Variants in ADAMTS2 observed in about 807,000 individuals in gnomAD.
ADAMTS2 encodes the protein A disintegrin and metalloproteinase with thrombospondin motifs 2.
Under a neutral mutation model 123.0 loss-of-function variants are expected in ADAMTS2, and 50 were observed. That is an observed-to-expected ratio of 0.41 (90% CI 0.32 to 0.51). The LOEUF (loss-of-function observed/expected upper bound fraction) is 0.51, where lower values mean the gene tolerates loss of function less well. ADAMTS2 is among the 20% of genes least tolerant of loss of function. The pLI is 0.35. For missense variants in ADAMTS2, 1,494 were observed against 1,705.2 expected (o/e 0.88, Z 2.18); for synonymous variants, 678 against 695.4 (o/e 0.98, Z 0.39).
At chr5:179,214,902 C>T (rs1023664010) in intron 3 of ADAMTS2, among the ~76,000 whole-genome samples, 10 of 151,886 alleles carry the variant, frequency 6.6e-5, no homozygotes, top group Non-Finnish European at 1.0e-4. Context: ...AAATAATCTC[C>T]GTCGAATAAT....
chr5:179,273,324 C>T (rs1766599774), intron 2 of ADAMTS2, among the ~76,000 whole-genome samples: 1 of 152,142 alleles, frequency 6.6e-6, no homozygotes, highest in Non-Finnish European at 1.5e-5. Context: ...TGTCTGCTTT[C>T]AGAAAAGTTA....
intron 3 of ADAMTS2, among the ~76,000 whole-genome samples, chr5:179,253,083 C>T (rs564127216): frequency 1.3e-5 from 2 of 152,276 alleles, no homozygotes; most frequent in East Asian, 3.9e-4. Context: ...CCTTTGGCGG[C>T]CTGATAGGTC....
At chr5:179,133,433 A>C (rs780500702) in intron 13 of ADAMTS2, among the ~76,000 whole-genome samples, 14 of 151,468 alleles carry the variant, frequency 9.2e-5, no homozygotes, top group Admixed American at 2.0e-4. Context: ...ATGCCTGGCT[A>C]ATTTTTTTTG....
chr5:179,300,692 C>T (rs1009172013), intron 2 of ADAMTS2, among the ~76,000 whole-genome samples: 1 of 152,108 alleles, frequency 6.6e-6, no homozygotes, highest in African/African-American at 2.4e-5. Flanking sequence ...AAGATAAATC[C>T]CCTTATAAAG....
chr5:179,254,773 C>G (rs1324873335), intron 3 of ADAMTS2, among the ~76,000 whole-genome samples: 1 of 152,244 alleles, frequency 6.6e-6, no homozygotes, highest in African/African-American at 2.4e-5. Context: ...AGAAACACAA[C>G]AGGGCACAAT....
At chr5:179,174,804 T>C in intron 5 of ADAMTS2, among the ~76,000 whole-genome samples, 1 of 151,884 alleles carries the variant, frequency 6.6e-6, no homozygotes, top group Non-Finnish European at 1.5e-5. Flanking sequence ...GGAGGAAGTC[T>C]CTTCCTTGCT....
At chr5:179,306,240 C>T (rs1182228015) in intron 2 of ADAMTS2, among the ~76,000 whole-genome samples, 3 of 151,988 alleles carry the variant, frequency 2.0e-5, no homozygotes, top group Non-Finnish European at 4.4e-5. Context: ...AAGTCTAGTC[C>T]AGCCATGTAT....
chr5:179,255,347 A>G (rs1372373929), intron 3 of ADAMTS2, among the ~76,000 whole-genome samples: 1 of 152,184 alleles, frequency 6.6e-6, no homozygotes, highest in East Asian at 1.9e-4. Context: ...AGACCATAGC[A>G]GCGTCATTTG....
At chr5:179,288,035 A>G (rs1415551652) in intron 2 of ADAMTS2, among the ~76,000 whole-genome samples, 1 of 152,200 alleles carries the variant, frequency 6.6e-6, no homozygotes. Context: ...CATGTCCTCC[A>G]TGTCTGCTTG....
intron 2 of ADAMTS2, among the ~76,000 whole-genome samples, chr5:179,338,401 C>T (rs1427765493): frequency 6.6e-6 from 1 of 152,178 alleles, no homozygotes; most frequent in African/African-American, 2.4e-5. Flanking sequence ...GATGCTGCTC[C>T]CCGGACCCCC....
chr5:179,221,768 A>G (rs1765133107), intron 3 of ADAMTS2, among the ~76,000 whole-genome samples: 1 of 151,474 alleles, frequency 6.6e-6, no homozygotes, highest in Admixed American at 6.6e-5. Flanking sequence ...TCAGCTCAAG[A>G]CCCTGGAACT....
At chr5:179,284,201 C>T (rs116183056) in intron 2 of ADAMTS2, among the ~76,000 whole-genome samples, 9,506 of 150,092 alleles carry the variant, frequency 0.063, 410 homozygotes, top group Non-Finnish European at 0.096. Flanking sequence ...TGGTGGTACG[C>T]GCCTGTGGTC....
chr5:179,282,189 T>G (rs1197966956), intron 2 of ADAMTS2, among the ~76,000 whole-genome samples: 1 of 152,256 alleles, frequency 6.6e-6, no homozygotes, highest in East Asian at 1.9e-4. Flanking sequence ...CTTGTGCTTC[T>G]GGTGTCATAT....
At chr5:179,295,418 C>T (rs974537370) in intron 2 of ADAMTS2, among the ~76,000 whole-genome samples, 51 of 152,332 alleles carry the variant, frequency 3.3e-4, no homozygotes, top group Non-Finnish European at 3.5e-4. Flanking sequence ...CCAGCCTCCC[C>T]GCCCTGCAAG....
Position 179,124,994 on chromosome 5 carries a change from C to T in ADAMTS2, c.2937G>A (p.Trp979Ter). Residue 979 changes from tryptophan (W) to a stop codon, truncating the protein, a stop_gained, in exon 19 of 22, where the codon TGG (tryptophan) becomes TGA (stop). Transcript: ENST00000251582. LOFTEE classifies it high-confidence loss of function. ...GTACCTGGGACCAGGGCCCGGCTCG[C>T]CAACGACCAGGGCAGAGCTCGCGGC... ...ACSRELCPGR[W>*]RAGPWSQCSV... The T allele has an allele frequency of 6.2e-7, 1 of 1,606,362 alleles. No homozygotes were observed.
chr5:179,188,909 C>T lies in ADAMTS2; in HGVS notation c.892-7754G>A, dbSNP rs374712550. ...CAGCAGGCACGTTGAGAAGACAGGT[C>T]GCATTACAAACCTTCCCGGGTTTGT... On this transcript the variant is annotated intron_variant, in intron 4 of 21. Coordinates refer to ENST00000251582, the MANE Select transcript of ADAMTS2 (RefSeq NM_014244.5). The surrounding 1 kb of genome is among the most constrained non-coding windows in gnomAD (Gnocchi z 5.1). Among the ~76,000 whole-genome samples the T allele has an allele frequency of 5.3e-5, 8 of 152,120 alleles. No individual in the cohort carries two copies. Among genetic ancestry groups the T allele is most frequent in the East Asian group, 1.9e-4 (1 of 5,176 alleles).
chr5:179,135,234 G>A (rs1159500408), intron 13 of ADAMTS2, among the ~76,000 whole-genome samples: 1 of 151,748 alleles, frequency 6.6e-6, no homozygotes, highest in Non-Finnish European at 1.5e-5. Context: ...GTGCCTTCCT[G>A]CCGATGCGGC....
chr5:179,316,707 G>T (rs1201675863), intron 2 of ADAMTS2, among the ~76,000 whole-genome samples: 3 of 152,172 alleles, frequency 2.0e-5, no homozygotes, highest in Non-Finnish European at 4.4e-5. Flanking sequence ...ACTTTGGGAG[G>T]CCAAGAACCG....
intron 5 of ADAMTS2, among the ~76,000 whole-genome samples, chr5:179,173,249 A>AATAAT (rs1763863016): frequency 1.4e-5 from 2 of 139,650 alleles, no homozygotes; most frequent in African/African-American, 6.0e-5. Context: ...ATAATAATAA[A>AATAAT]AACCATGCTC....
Sources: allele counts gnomAD v4.1 joint callset (sites outside exome capture counted in the v4.1 genomes callset), GRCh38; gene constraint gnomAD v4.1.1; non-coding constraint Gnocchi (gnomAD v3.1); transcripts MANE v1.5; gene names NCBI Gene and HGNC (gene_info 2026-07-23, HGNC 2026-07-21).